Variants in EIF4B observed in about 807,000 individuals in gnomAD.
The protein encoded by EIF4B is eukaryotic translation initiation factor 4B.
EIF4B carries 8 observed loss-of-function variants against 79.3 expected under a neutral mutation model. That is an observed-to-expected ratio of 0.10 (90% CI 0.06 to 0.18). EIF4B has a LOEUF of 0.18. Ranked by LOEUF, EIF4B falls within the 10% of genes least tolerant of loss-of-function variation. The pLI, the probability that EIF4B is intolerant of heterozygous loss-of-function variation, is 1.00. For synonymous variants in EIF4B, 238 were observed against 274.7 expected (o/e 0.87, Z 1.32); for missense variants, 515 against 792.4 (o/e 0.65, Z 4.20).
chr12:53,039,257 G>A lies in EIF4B; in HGVS notation c.1596G>A (p.Gly532=). The A allele has an allele frequency of 6.2e-7, 1 of 1,608,964 alleles. No homozygotes were observed. The highest frequency in any genetic ancestry group is 2.2e-5 in the East Asian group (1 of 44,844). ...PGRKDENKVD[G]MNAPKGQTGN... is the part of the protein sequence containing the mutation. ...AAGCAGATGAAAATAAAGTAGATGGGATGAATGCCCCAAAAGGCCAAACTG... is the reference window on the plus strand; with the variant it reads ...AAGCAGATGAAAATAAAGTAGATGGAATGAATGCCCCAAAAGGCCAAACTG... Residue 532 remains glycine (G), a synonymous_variant, in exon 13 of 15, where the codon GGG becomes GGA. Transcript: ENST00000262056.
chr12:53,007,231 G>A (rs1034079904), intron 1 of EIF4B, among the ~76,000 whole-genome samples: 2 of 152,066 alleles, frequency 1.3e-5, no homozygotes, highest in Non-Finnish European at 2.9e-5. Context: ...AGATGGGGGT[G>A]GGGAATCCAG....
At chr12:53,040,118 T>C in intron 14 of EIF4B, 25 bp from the exon 15 acceptor site, 1 of 1,613,868 alleles carries the variant, frequency 6.2e-7, no homozygotes, top group Non-Finnish European at 8.5e-7. Context: ...GCCTTCATTA[T>C]CCTGTCACTC....
chr12:53,019,330 C>T (rs1350134775), intron 3 of EIF4B, among the ~76,000 whole-genome samples: 1 of 150,338 alleles, frequency 6.7e-6, no homozygotes, highest in Non-Finnish European at 1.5e-5. Flanking sequence ...ACCTGGAAGA[C>T]GGAGGTTGTG....
chr12:53,022,601 G>A lies in EIF4B; in HGVS notation c.641G>A (p.Arg214Lys), dbSNP rs1039579340. ...GACAGCTTTGATGACTACCCACCTA[G>A]AAGAGGTGATGATAGCTTTGGAGAC... ...ATDSFDDYPP[R>K]RGDDSFGDKY... The change falls in exon 6 of 15, where the codon AGA becomes AAA. Residue 214 changes from arginine (R) to lysine (K), a missense_variant. Physicochemically the swap from Arg to Lys is conservative, Grantham distance 26. Around this residue, in one of 6 missense-constraint regions of EIF4B, gnomAD observed 187 missense variants for 256.5 expected, o/e 0.73. Coordinates refer to ENST00000262056, the MANE Select transcript of EIF4B (RefSeq NM_001417.7). 1.7e-5 allele frequency: 28 copies of A among 1,613,914 alleles called. No homozygotes were observed. Among genetic ancestry groups the A allele is most frequent in the Non-Finnish European group, 2.3e-5 (27 of 1,179,942 alleles).
At chr12:53,006,526 C>T in intron 1 of EIF4B, 30 bp downstream of exon 1, 1 of 1,613,508 alleles carries the variant, frequency 6.2e-7, no homozygotes. Context: ...CGGCCAAGGA[C>T]TGGGCTCTGA....
intron 6 of EIF4B, among the ~76,000 whole-genome samples, chr12:53,024,150 A>G (rs1183897283): frequency 6.6e-5 from 10 of 152,204 alleles, no homozygotes; most frequent in Admixed American, 6.5e-4. Context: ...GTAGGAGTAG[A>G]GATTAATTAC....
chr12:53,012,123 C>G lies in EIF4B; in HGVS notation c.14-4350C>G, dbSNP rs1197224026. ...AACGGAGTGGAACAAACACGGGCAC[C>G]TACTTTAGGTTTATTGATTTTGCTT... On this transcript the variant is annotated intron_variant, in intron 1 of 14. Transcript: ENST00000262056. The G allele has an allele frequency of 3.9e-5, 6 of 152,318 alleles. No homozygotes were observed. The East Asian group carries it at 1.2e-3, about 29-fold the overall frequency. 9.4% of individuals were successfully genotyped at this position (152,318 alleles called of 1,614,324 possible).
At chr12:53,037,832 G>C (rs1272790510) in intron 11 of EIF4B, 1 of 609,888 alleles carries the variant, frequency 1.6e-6, no homozygotes, top group Non-Finnish European at 2.9e-6. Context: ...AATCAGCTAT[G>C]ATGGGAGTAC....
At chr12:53,030,355 T>C (rs978319691) in intron 8 of EIF4B, among the ~76,000 whole-genome samples, 4 of 143,198 alleles carry the variant, frequency 2.8e-5, no homozygotes, top group Non-Finnish European at 6.1e-5. Flanking sequence ...TTGGGCAACA[T>C]AGTGAGACCC....
intron 4 of EIF4B, among the ~76,000 whole-genome samples, chr12:53,020,302 C>T (rs1258330216): frequency 6.6e-6 from 1 of 152,224 alleles, no homozygotes; most frequent in Non-Finnish European, 1.5e-5. Context: ...AAGTCTTACA[C>T]TGATTTACCC....
At chr12:53,031,608 C>T (rs1355184991) in intron 8 of EIF4B, among the ~76,000 whole-genome samples, 1 of 152,168 alleles carries the variant, frequency 6.6e-6, no homozygotes, top group Non-Finnish European at 1.5e-5. Flanking sequence ...AAATGAGCTA[C>T]TTTTTCTGAG....
At chr12:53,037,766 G>A in intron 11 of EIF4B, 144 bp downstream of exon 11, 3 of 882,646 alleles carry the variant, frequency 3.4e-6, no homozygotes, top group Middle Eastern at 3.0e-4. Flanking sequence ...TGCTGGAACT[G>A]GCTCATAAGA....
chr12:53,023,496 G>T (rs1182179632), intron 6 of EIF4B, among the ~76,000 whole-genome samples: 2 of 151,958 alleles, frequency 1.3e-5, no homozygotes, highest in Non-Finnish European at 2.9e-5. Flanking sequence ...CTCCCAAAGT[G>T]CTGGGATTAC....
At chr12:53,006,893 A>G (rs1478471335) in intron 1 of EIF4B, among the ~76,000 whole-genome samples, 6 of 144,332 alleles carry the variant, frequency 4.2e-5, no homozygotes, top group African/African-American at 7.6e-5. Flanking sequence ...ACATTAGACT[A>G]CGTCTCCAAG....
At chr12:53,023,662 C>T (rs1280465497) in intron 6 of EIF4B, among the ~76,000 whole-genome samples, 2 of 149,422 alleles carry the variant, frequency 1.3e-5, no homozygotes, top group Admixed American at 6.7e-5. Context: ...CAGGTCACCT[C>T]AACCTCCGCC....
In EIF4B at chr12:53,033,930, C is replaced by T. The variant is rs1943491684; in HGVS notation, c.1104C>T (p.Asp368=). The stretch of plus-strand genomic sequence containing the variant: ...TCTTTGGAGGGGCAAAGCCTGTTGA[C>T]ACAGCTGCTAGAGAAAGAGAAGTAG... ...ASIFGGAKPV[D]TAAREREVEE... The change falls in exon 9 of 15, where the codon GAC becomes GAT. Residue 368 remains aspartate, a synonymous_variant. Coordinates refer to ENST00000262056, the MANE Select transcript of EIF4B (RefSeq NM_001417.7). 1.2e-6 allele frequency: 2 copies of T among 1,614,196 alleles called. No individual in the cohort carries two copies. The highest frequency in any genetic ancestry group is 1.3e-5 in the African/African-American group (1 of 75,062).
rs771206467 is a variant in EIF4B, at chr12:53,016,582, T to C, written c.123T>C (p.Ala41=). 1.1e-5 allele frequency: 18 copies of C among 1,602,542 alleles called. 1 individual carries two copies. The South Asian group carries it at 2.0e-4, about 18-fold the overall frequency. The stretch of plus-strand genomic sequence containing the variant: ...ATGTTTCCAAACCAGTCAGCTGGGC[T>C]GATGAAACGGATGACCTGGAAGGAG... ...STYVSKPVSW[A]DETDDLEGDV... Residue 41 remains alanine (A), a synonymous_variant, in exon 2 of 15, where the codon GCT becomes GCC. Coordinates refer to ENST00000262056, the MANE Select transcript of EIF4B (RefSeq NM_001417.7).
Position 53,019,890 on chromosome 12 carries a change from G to A in EIF4B, c.361-20G>A. ...AAGAAGAATGCTGGGAAACTTTGTT[G>A]TTGATTCTTATTCCTTCAGATCAGT... On this transcript the variant is annotated intron_variant, in intron 3 of 14. Coordinates refer to ENST00000262056, the MANE Select transcript of EIF4B (RefSeq NM_001417.7). The A allele has an allele frequency of 6.2e-7, 1 of 1,602,900 alleles. No homozygotes were observed. The highest frequency in any genetic ancestry group is 8.5e-7 in the Non-Finnish European group (1 of 1,175,026).
At chr12:53,006,571 A>G (rs1942963940) in intron 1 of EIF4B, 75 bp downstream of exon 1, 1 of 1,609,900 alleles carries the variant, frequency 6.2e-7, no homozygotes, top group East Asian at 2.2e-5. Flanking sequence ...TGATTTCCTG[A>G]AGTCGGGGAA....
Sources: gnomAD v4.1 joint callset for allele counts (sites outside exome capture counted in the v4.1 genomes callset) on GRCh38, gnomAD v4.1.1 for gene constraint, gnomAD v4.1.1 regional missense constraint, MANE v1.5 for transcripts, NCBI Gene and HGNC (gene_info 2026-07-23, HGNC 2026-07-21) for gene names.